NPM2: variants seen among roughly 807,000 people sequenced by gnomAD.
NPM2 encodes the protein nucleophosmin/nucleoplasmin 2.
NPM2 carries 25 observed loss-of-function variants against 32.0 expected under a neutral mutation model. The ratio of observed to expected loss-of-function variants is 0.78; its 90% CI spans 0.57 to 1.09. The LOEUF (loss-of-function observed/expected upper bound fraction) is 1.09, where lower values mean the gene tolerates loss of function less well. NPM2 is among the 50% of genes least tolerant of loss of function. The pLI, the probability that NPM2 is intolerant of heterozygous loss-of-function variation, is 0.00. For synonymous variants in NPM2, 111 were observed against 94.2 expected (o/e 1.18, Z -1.04); for missense variants, 282 against 259.9 (o/e 1.08, Z -0.58).
intron 5 of NPM2, among the ~76,000 whole-genome samples, chr8:22,027,764 G>A (rs970118491): frequency 1.3e-5 from 2 of 151,992 alleles, no homozygotes; most frequent in Admixed American, 6.6e-5. Flanking sequence ...GTTCCACTAC[G>A]CCAGGCTAAT....
chr8:22,027,995 A>G (rs1245869476), intron 5 of NPM2, among the ~76,000 whole-genome samples: 2 of 152,008 alleles, frequency 1.3e-5, no homozygotes, highest in South Asian at 2.1e-4. Flanking sequence ...ACCACATCTC[A>G]TCATCTTCCC....
chr8:22,024,367 C>T lies in NPM2; in HGVS notation c.-397C>T, dbSNP rs80196502. The T allele has an allele frequency of 0.065, 9,917 of 152,570 alleles. 505 individuals carry two copies. Among genetic ancestry groups the T allele is most frequent in the South Asian group, 0.2 (950 of 4,826 alleles). 9.5% of individuals were successfully genotyped at this position (152,570 alleles called of 1,614,324 possible). A position where few individuals can be genotyped will look rare whatever the true frequency, so the allele number is the denominator to read the frequency against. On this transcript the variant is annotated 5_prime_UTR_variant, in exon 1 of 10. Transcript: ENST00000518119. The stretch of plus-strand genomic sequence containing the variant: ...GAACAAGAAGGAGGGCTTCCAACTG[C>T]AGCTTCCTGCCGGCTGCAGGCCTCC...
chr8:22,032,574 G>A (rs79439677), intron 5 of NPM2, among the ~76,000 whole-genome samples: 4,498 of 152,248 alleles, frequency 0.03, 218 homozygotes, highest in African/African-American at 0.1. Context: ...AGCAACAGAC[G>A]TTTTCTCACA....
At chr8:22,028,538 C>T (rs1274917414) in intron 5 of NPM2, among the ~76,000 whole-genome samples, 1 of 150,762 alleles carries the variant, frequency 6.6e-6, no homozygotes, top group African/African-American at 2.4e-5. Flanking sequence ...CCATGTTGGC[C>T]AGGCTGGTCT....
chr8:22,025,286 C>T lies in NPM2; in HGVS notation c.38C>T (p.Ala13Val), dbSNP rs773076289. 2 of 1,610,818 alleles carry T rather than the reference C, an allele frequency of 1.2e-6. No homozygotes were observed. The highest frequency in any genetic ancestry group is 1.7e-6 in the Non-Finnish European group (2 of 1,179,012). The change falls in exon 3 of 10, where the codon GCA (alanine) becomes GTA (valine). Residue 13 changes from alanine (A) to valine (V), a missense_variant. By Grantham distance (64) the Ala-to-Val change is moderately conservative (BLOSUM62 0). Transcript: ENST00000518119. ...AGCGCCAGTAGCACGGAGGAAAAGGCAGTGACGACCGTGCTCTGGGGTGAG... is the reference window on the plus strand; with the variant it reads ...AGCGCCAGTAGCACGGAGGAAAAGGTAGTGACGACCGTGCTCTGGGGTGAG... Reference protein sequence around the residue: ...LSSASSTEEKAVTTVLWGCEL... With the variant: ...LSSASSTEEKVVTTVLWGCEL...
At chr8:22,029,285 A>C (rs974042210) in intron 5 of NPM2, among the ~76,000 whole-genome samples, 13 of 152,150 alleles carry the variant, frequency 8.5e-5, no homozygotes, top group Admixed American at 5.9e-4. Context: ...CTGGGATTAC[A>C]GGTATGCACC....
chr8:22,035,176 A>T (rs1800578412), intron 8 of NPM2, among the ~76,000 whole-genome samples: 1 of 152,246 alleles, frequency 6.6e-6, no homozygotes, highest in African/African-American at 2.4e-5. Context: ...CTAAATGTCT[A>T]CCAATATAAC....
In NPM2 at chr8:22,034,250, C is replaced by T. The variant is rs1434666769; in HGVS notation, c.506C>T (p.Pro169Leu). ...SPVKQVKRLV[P>L]QKQASVAKKK... ...GTCAAACAAGTCAAAAGGCTGGTGC[C>T]CCAGAAGCAGGCGAGCGTGGCTAAG... The change falls in exon 7 of 10, where the codon CCC becomes CTC. Residue 169 changes from proline to leucine, a missense_variant. Pro to Leu is a moderately conservative substitution (Grantham distance 98). Coordinates refer to ENST00000518119, the MANE Select transcript of NPM2 (RefSeq NM_001286680.2). 1 of 1,601,304 alleles carries T rather than the reference C, an allele frequency of 6.2e-7. No homozygotes were observed. Among genetic ancestry groups the T allele is most frequent in the East Asian group, 2.2e-5 (1 of 44,764 alleles).
At chr8:22,025,125 C>T (rs1264670718) in intron 2 of NPM2, 91 bp from the exon 3 acceptor site, 2 of 1,109,364 alleles carry the variant, frequency 1.8e-6, no homozygotes, top group Non-Finnish European at 2.6e-6. Context: ...AGCGACCCCT[C>T]AGTACCTGCC....
rs1210899927 is a variant in NPM2 at position 22,025,785 on chromosome 8, C to T, written c.270+13C>T. On this transcript the variant is annotated intron_variant, in intron 5 of 9. Transcript: ENST00000518119. ...AGTCCTCCCCATGGTGCGCATTTCC[C>T]TGCTGGCTGGAAGACTGCTGTCAGC... 7 of 1,613,740 alleles carry T rather than the reference C, an allele frequency of 4.3e-6. No homozygotes were observed. Among genetic ancestry groups the T allele is most frequent in the Non-Finnish European group, 5.9e-6 (7 of 1,179,988 alleles).
intron 8 of NPM2, 157 bp from the exon 9 acceptor site, chr8:22,036,336 A>C (rs558209182): frequency 3.5e-5 from 22 of 632,026 alleles, no homozygotes; most frequent in African/African-American, 3.1e-4. Flanking sequence ...ATGCACACGC[A>C]CACACATCCC....
At chr8:22,033,008 C>G (rs1221671840) in intron 5 of NPM2, 122 bp from the exon 6 acceptor site, 3 of 716,032 alleles carry the variant, frequency 4.2e-6, no homozygotes, top group African/African-American at 3.5e-5. Flanking sequence ...TCCACCTCAG[C>G]AGGGGCTGAG....
At chr8:22,032,987 C>T in intron 5 of NPM2, 143 bp from the exon 6 acceptor site, 2 of 644,236 alleles carry the variant, frequency 3.1e-6, no homozygotes, top group South Asian at 3.6e-5. Flanking sequence ...GGTTCAAATT[C>T]TTGGACAGAA....
At chr8:22,027,171 G>T (rs182281087) in intron 5 of NPM2, among the ~76,000 whole-genome samples, 2 of 152,246 alleles carry the variant, frequency 1.3e-5, no homozygotes, top group African/African-American at 2.4e-5. Flanking sequence ...GCCTATAAGT[G>T]ATAGTATTTA....
At chr8:22,025,837 G>T in intron 5 of NPM2, 65 bp downstream of exon 5, 1 of 1,603,374 alleles carries the variant, frequency 6.2e-7, no homozygotes, top group Non-Finnish European at 8.5e-7. Flanking sequence ...GGTGGGGATG[G>T]ACACACACGA....
At chr8:22,027,752 A>G (rs1409966273) in intron 5 of NPM2, among the ~76,000 whole-genome samples, 4 of 152,066 alleles carry the variant, frequency 2.6e-5, no homozygotes, top group Non-Finnish European at 5.9e-5. Flanking sequence ...GATTACAGGC[A>G]TGTTCCACTA....
In NPM2 at chr8:22,025,120, C is replaced by T. The variant is rs1186806999; in HGVS notation, c.-33-96C>T. On this transcript the variant is annotated intron_variant, in intron 2 of 9. Transcript: ENST00000518119. ...GCAGGTCCCCTCCAGCCGCGAGCGACCCCTCAGTACCTGCCGATGCCTGCT... is the reference window on the plus strand; with the variant it reads ...GCAGGTCCCCTCCAGCCGCGAGCGATCCCTCAGTACCTGCCGATGCCTGCT... The T allele has an allele frequency of 2.9e-6, 3 of 1,021,098 alleles. No homozygotes were observed. The Admixed American group carries it at 8.9e-5, about 30-fold the overall frequency. 63.3% of individuals were successfully genotyped at this position (1,021,098 alleles called of 1,614,324 possible).
intron 8 of NPM2, 74 bp downstream of exon 8, chr8:22,034,618 G>T (rs1800559177): frequency 2.4e-6 from 3 of 1,265,574 alleles, no homozygotes; most frequent in Non-Finnish European, 1.1e-6. Flanking sequence ...ATACTGTGCT[G>T]TTGGGATGTA....
chr8:22,033,094 A>C (rs1800492994), intron 5 of NPM2, 36 bp from the exon 6 acceptor site: 2 of 1,521,140 alleles, frequency 1.3e-6, no homozygotes, highest in African/African-American at 1.4e-5. Context: ...TGCCAGGCCT[A>C]AGTGGCCCTG....
Sources: gnomAD v4.1 joint callset for allele counts (sites outside exome capture counted in the v4.1 genomes callset) on GRCh38, gnomAD v4.1.1 for gene constraint, MANE v1.5 for transcripts, NCBI Gene and HGNC (gene_info 2026-07-23, HGNC 2026-07-21) for gene names.